The following C2orf49 variants were observed in gnomAD, a reference collection of about 807,000 sequenced individuals.
C2orf49 encodes tRNA-splicing ligase complex subunit ASW.
In C2orf49, 11 loss-of-function variants were observed where a neutral mutation model predicts 20.6. The observed-to-expected ratio is 0.53, with a 90% CI of 0.34 to 0.88. The LOEUF (loss-of-function observed/expected upper bound fraction) is 0.88. C2orf49 is among the 40% of genes least tolerant of loss of function. C2orf49 has a pLI of 0.02. For missense variants in C2orf49, 289 were observed against 274.2 expected (o/e 1.05, Z -0.38); for synonymous variants, 134 against 108.5 (o/e 1.24, Z -1.46).
At chr2:105,373,699 G>T in the C2orf49 span, 10 of 1,614,072 alleles carry the variant, frequency 6.2e-6, no homozygotes, top group African/African-American at 1.3e-5. Context: ...GTGGAAACAG[G>T]CTTCATGCCA....
the C2orf49 span, chr2:105,377,931 A>G: frequency 2.5e-6 from 1 of 405,956 alleles, no homozygotes; most frequent in African/African-American, 2.1e-5. Flanking sequence ...AGGGGTGGCA[A>G]GTTATCAGTG....
At chr2:105,371,330 T>C in the C2orf49 span, among the ~76,000 whole-genome samples, 2 of 152,260 alleles carry the variant, frequency 1.3e-5, no homozygotes, top group South Asian at 4.1e-4. Flanking sequence ...TAGTGGGCCT[T>C]AGGGGCAAAG....
the C2orf49 span, chr2:105,363,312 A>C: frequency 6.2e-7 from 1 of 1,614,180 alleles, no homozygotes; most frequent in East Asian, 2.2e-5. Flanking sequence ...CACCCAGCAC[A>C]CTTCTTGGCA....
the C2orf49 span, among the ~76,000 whole-genome samples, chr2:105,382,760 G>A: frequency 6.6e-6 from 1 of 152,118 alleles, no homozygotes; most frequent in Admixed American, 6.6e-5. Flanking sequence ...CCAATTTCAT[G>A]GCATTGCTTG....
At chr2:105,373,830 A>G in the C2orf49 span, 1 of 1,312,440 alleles carries the variant, frequency 7.6e-7, no homozygotes, top group South Asian at 1.3e-5. Context: ...GCAAACAAGG[A>G]AAGAAGTTGG....
chr2:105,347,719 T>C lies in C2orf49; in HGVS notation c.*2348T>C, dbSNP rs1013793995. ...TCTTTCTCCACATAATGAAGCATGC[T>C]GAATGCTGGGAATCTGGAGCAGCAG... On this transcript the variant is annotated 3_prime_UTR_variant, in exon 4 of 4. Coordinates refer to ENST00000258457, the MANE Select transcript of C2orf49 (RefSeq NM_024093.3). The C allele has an allele frequency of 6.6e-6, 1 of 152,230 alleles. No homozygotes were observed. Among genetic ancestry groups the C allele is most frequent in the East Asian group, 1.9e-4 (1 of 5,196 alleles). The allele number at this position is 152,230 out of a possible 1,614,324, so 9.4% of individuals were successfully genotyped here. A position where few individuals can be genotyped will look rare whatever the true frequency, so the allele number is the denominator to read the frequency against.
At chr2:105,349,642 A>C (rs550862303), downstream of C2orf49, among the ~76,000 whole-genome samples, 1 of 152,232 alleles carries the variant, frequency 6.6e-6, no homozygotes, top group Non-Finnish European at 1.5e-5. Context: ...CAGATTAAGT[A>C]CTTGCTTTCA....
Position 105,343,214 on chromosome 2 carries a change from A to C in C2orf49, c.633A>C (p.Ala211=). ...KLKRAAPKEE[A]EAMNNLKPPQ... is the part of the protein sequence containing the mutation. ...AGAGAGCTGCTCCTAAAGAAGAGGC[A>C]GAGGCCATGGTAAGTATGGGGGTGG... The change falls in exon 3 of 4, where the codon GCA becomes GCC. Residue 211 remains alanine, a synonymous_variant. Transcript: ENST00000258457. 1 of 1,591,708 alleles carries C rather than the reference A, an allele frequency of 6.3e-7. No homozygotes were observed.
chr2:105,344,758 T>TA lies in C2orf49; in HGVS notation c.643-557_643-556insA, dbSNP rs565706337. Among the ~76,000 whole-genome samples, 187 of 152,018 alleles carry TA rather than the reference T, an allele frequency of 1.2e-3. 2 individuals are homozygous for TA. The highest frequency in any genetic ancestry group is 4.4e-3 in the African/African-American group (183 of 41,442). On this transcript the variant is annotated intron_variant, in intron 3 of 3. Transcript: ENST00000258457. ...CCACACCCAGCTAATTTTTTTTTTT[T>TA]TTATTTTTGTAGAGACAGGGTTTCA...
chr2:105,363,526 A>G, the C2orf49 span: 2 of 1,485,652 alleles, frequency 1.3e-6, no homozygotes, highest in Non-Finnish European at 1.8e-6. Flanking sequence ...AGACATCTTC[A>G]GTCTCAGCTA....
rs761380102 is a variant in C2orf49, at chr2:105,339,673, G to A, written c.190G>A (p.Asp64Asn). 2 of 1,608,590 alleles carry A rather than the reference G, an allele frequency of 1.2e-6. No individual in the cohort carries two copies. The highest frequency in any genetic ancestry group is 1.7e-6 in the Non-Finnish European group (2 of 1,178,890). ...VQHAIPLPQR[D>N]LPKNRWGKMM... is the part of the protein sequence containing the mutation. ...ACATGCAATACCATTGCCTCAGAGG[G>A]ATTTGCCGAAGAATAGATGGGGGAA... Residue 64 changes from aspartate to asparagine, a missense_variant, in exon 2 of 4, where the codon GAT becomes AAT. Transcript: ENST00000258457.
chr2:105,382,260 G>A, the C2orf49 span, among the ~76,000 whole-genome samples: 1 of 152,198 alleles, frequency 6.6e-6, no homozygotes, highest in South Asian at 2.1e-4. Context: ...CATGAGAAGA[G>A]TAGGGGCCTC....
the C2orf49 span, among the ~76,000 whole-genome samples, chr2:105,383,107 A>G: frequency 6.6e-5 from 10 of 152,342 alleles, no homozygotes; most frequent in East Asian, 1.9e-3. Flanking sequence ...GCTGGTCTCC[A>G]GCTCCTGGCC....
chr2:105,365,524 AGAAC>A, the C2orf49 span, among the ~76,000 whole-genome samples: 2 of 152,226 alleles, frequency 1.3e-5, no homozygotes, highest in Non-Finnish European at 2.9e-5. Flanking sequence ...CTTGATGAGA[AGAAC>A]AAACCAAAAT....
the C2orf49 span, among the ~76,000 whole-genome samples, chr2:105,368,277 A>C: frequency 6.6e-6 from 1 of 152,220 alleles, no homozygotes; most frequent in Non-Finnish European, 1.5e-5. Flanking sequence ...CCAAGTTGTG[A>C]TGTATCTAGG....
downstream of C2orf49, among the ~76,000 whole-genome samples, chr2:105,352,176 G>A (rs1395387315): frequency 6.6e-6 from 1 of 152,116 alleles, no homozygotes; most frequent in Non-Finnish European, 1.5e-5. Flanking sequence ...CATTCCTTTT[G>A]CCTTTAATCT....
the C2orf49 span, among the ~76,000 whole-genome samples, chr2:105,366,577 A>G: frequency 1.3e-5 from 2 of 152,204 alleles, no homozygotes; most frequent in Non-Finnish European, 2.9e-5. Flanking sequence ...GCGTGTGTCT[A>G]AGAGTCAGAG....
chr2:105,378,072 T>C, the C2orf49 span: 2 of 471,150 alleles, frequency 4.2e-6, no homozygotes, highest in South Asian at 3.1e-5. Context: ...CAGCCAGTGC[T>C]CCGGTCATTA....
At chr2:105,361,234 A>T in the C2orf49 span, 1 of 1,576,700 alleles carries the variant, frequency 6.3e-7, no homozygotes. Flanking sequence ...GAAAGAAAAC[A>T]TAAAAATCTG....
Sources: gnomAD v4.1 joint callset for allele counts (sites outside exome capture counted in the v4.1 genomes callset) on GRCh38, gnomAD v4.1.1 for gene constraint, MANE v1.5 for transcripts, NCBI Gene and HGNC (gene_info 2026-07-23, HGNC 2026-07-21) for gene names.